The following DDX46 variants were observed in gnomAD, a reference collection of about 807,000 sequenced individuals.
DDX46 encodes probable ATP-dependent RNA helicase DDX46.
In DDX46, 30 loss-of-function variants were observed where a neutral mutation model predicts 134.9. The ratio of observed to expected loss-of-function variants is 0.22; its 90% CI spans 0.17 to 0.30. DDX46 has a LOEUF of 0.30. Among genes scored for constraint, DDX46 ranks in the 10% least tolerant of loss-of-function variants. The probability of loss-of-function intolerance (pLI) is 1.00; values close to 1 mark genes in which losing one functional copy is unlikely to be tolerated. For synonymous variants in DDX46, 415 were observed against 404.1 expected (o/e 1.03, Z -0.32); for missense variants, 622 against 1,248.7 (o/e 0.50, Z 7.56).
At chr5:134,779,366 G>A (rs1754059777) in intron 6 of DDX46, among the ~76,000 whole-genome samples, 1 of 151,854 alleles carries the variant, frequency 6.6e-6, no homozygotes, top group African/African-American at 2.4e-5. Context: ...GCTAATTTTT[G>A]TATTTTTAGT....
At chr5:134,792,434 TA>T (rs1486396597) in intron 13 of DDX46, among the ~76,000 whole-genome samples, 2 of 152,122 alleles carry the variant, frequency 1.3e-5, no homozygotes, top group Admixed American at 6.6e-5. Flanking sequence ...ATATACTGAA[TA>T]TCTGTTTCTT....
intron 3 of DDX46, among the ~76,000 whole-genome samples, chr5:134,767,625 G>C (rs1292217393): frequency 6.6e-6 from 1 of 151,716 alleles, no homozygotes; most frequent in Non-Finnish European, 1.5e-5. Context: ...ACAGGCCTGA[G>C]CCACCGCGCC....
At position 134,816,617 on chromosome 5, in the gene DDX46, T is replaced by A. The variant is rs1755294201; in HGVS notation, c.2613+11T>A. 6.2e-7 allele frequency: 1 copy of A among 1,609,866 alleles called. No individual in the cohort carries two copies. Among genetic ancestry groups the A allele is most frequent in the African/African-American group, 1.3e-5 (1 of 74,764 alleles). On this transcript the variant is annotated intron_variant, in intron 19 of 22. Transcript: ENST00000452510. ...ATCGAGTCTCAGGTATTAAGTAATTTGTTCCAAGTCTCAGTCAATACTTTT... is the reference window on the plus strand; with the variant it reads ...ATCGAGTCTCAGGTATTAAGTAATTAGTTCCAAGTCTCAGTCAATACTTTT...
intron 3 of DDX46, among the ~76,000 whole-genome samples, chr5:134,768,034 T>C (rs188282499): frequency 4.6e-5 from 7 of 151,546 alleles, no homozygotes; most frequent in Non-Finnish European, 8.8e-5. Flanking sequence ...TAGTGAACCA[T>C]GTAAAGAGCC....
chr5:134,795,087 T>C lies in DDX46; in HGVS notation c.1791+73T>C, dbSNP rs1321817884. The C allele has an allele frequency of 2.6e-6, 4 of 1,549,768 alleles. No homozygotes were observed. In the East Asian group the frequency reaches 6.8e-5, roughly 26 times the overall value. On this transcript the variant is annotated intron_variant, in intron 14 of 22. Transcript: ENST00000452510. ...GTATGTATGATTCTTCTATGATCAC[T>C]GTTTGTGAGGTAGGCAAGGTAATTT...
At chr5:134,781,832 A>T in intron 7 of DDX46, 89 bp from the exon 8 acceptor site, 1 of 1,254,792 alleles carries the variant, frequency 8.0e-7, no homozygotes. Context: ...TTTCTAGGAG[A>T]GGAAGATTTG....
At chr5:134,824,409 A>G (rs1480589718) in intron 21 of DDX46, among the ~76,000 whole-genome samples, 1 of 152,048 alleles carries the variant, frequency 6.6e-6, no homozygotes, top group East Asian at 1.9e-4. Flanking sequence ...TGGCCAACAT[A>G]GTGAAACCCC....
At chr5:134,779,345 C>T (rs947147980) in intron 6 of DDX46, among the ~76,000 whole-genome samples, 1 of 152,028 alleles carries the variant, frequency 6.6e-6, no homozygotes, top group Non-Finnish European at 1.5e-5. Context: ...AGGCGCCCAC[C>T]ACCATGCCTG....
chr5:134,808,970 T>C (rs900406427), intron 16 of DDX46, among the ~76,000 whole-genome samples: 2 of 152,218 alleles, frequency 1.3e-5, no homozygotes, highest in Non-Finnish European at 2.9e-5. Flanking sequence ...TGTCATTTTA[T>C]CCTTAAAACG....
Position 134,758,946 on chromosome 5 carries a change from G to A in DDX46, c.8G>A (p.Arg3Gln). 1 of 1,612,728 alleles carries A rather than the reference G, an allele frequency of 6.2e-7. No individual in the cohort carries two copies. The highest frequency in any genetic ancestry group is 1.3e-5 in the African/African-American group (1 of 75,044). Residue 3 changes from arginine (R) to glutamine (Q), a missense_variant, in exon 1 of 23, where the codon CGG (arginine) becomes CAG (glutamine). Transcript: ENST00000452510. ...ATTCCCGCGGTCGGCAGCATGGGTC[G>A]GGAGTCACGGTGAGGCAGAGCGCCG... MG[R>Q]ESRHYRKRSA...
In DDX46 at chr5:134,795,567, T is replaced by C. The variant is rs537612551; in HGVS notation, c.1792-421T>C. On this transcript the variant is annotated intron_variant, in intron 14 of 22. Coordinates refer to ENST00000452510, the MANE Select transcript of DDX46 (RefSeq NM_001300860.2). ...GAGTGGTGAATGGTGAGCTGATATA[T>C]AGAAATGTCACATACCAGATGGGCA... is the stretch of plus-strand genomic sequence containing the variant. Among the ~76,000 whole-genome samples, 90 of 152,258 alleles carry C rather than the reference T, an allele frequency of 5.9e-4. 2 individuals are homozygous for C. The highest frequency in any genetic ancestry group is 4.7e-4 in the Non-Finnish European group (32 of 68,018).
At chr5:134,789,077 A>G (rs2150145365) in intron 12 of DDX46, 1 of 152,362 alleles carries the variant, frequency 6.6e-6, no homozygotes, top group South Asian at 2.1e-4. Context: ...TACTACATAA[A>G]TTAAGATATT....
intron 21 of DDX46, among the ~76,000 whole-genome samples, chr5:134,819,875 G>T (rs766053982): frequency 2.0e-4 from 31 of 151,714 alleles, no homozygotes; most frequent in Non-Finnish European, 4.4e-4. Flanking sequence ...TGCATAGTAG[G>T]ACACCCTGTC....
rs1440438716 is a variant in DDX46 at position 134,828,709 on chromosome 5, A to G, written c.*3A>G. ...AAGGAAGATACAAAGTCTTATAGAC[A>G]TCCGGAAAAAAGATTTTTACCTGTG... On this transcript the variant is annotated 3_prime_UTR_variant, in exon 23 of 23. Coordinates refer to ENST00000452510, the MANE Select transcript of DDX46 (RefSeq NM_001300860.2). 2 of 1,503,846 alleles carry G rather than the reference A, an allele frequency of 1.3e-6. No homozygotes were observed. The allele number at this position is 1,503,846 out of a possible 1,614,324, so 93.2% of individuals were successfully genotyped here.
chr5:134,773,017 T>A (rs968519949), intron 4 of DDX46, among the ~76,000 whole-genome samples: 20 of 151,894 alleles, frequency 1.3e-4, no homozygotes, highest in Admixed American at 1.1e-3. Flanking sequence ...CCAGGGTGGT[T>A]TCCAACTCCT....
intron 7 of DDX46, among the ~76,000 whole-genome samples, chr5:134,781,641 A>G (rs553696000): frequency 9.5e-4 from 144 of 152,288 alleles, no homozygotes; most frequent in African/African-American, 3.4e-3. Flanking sequence ...TTAACCTTCT[A>G]AAGGCAAAGA....
At chr5:134,778,863 C>T (rs562917385) in intron 6 of DDX46, among the ~76,000 whole-genome samples, 97 of 150,722 alleles carry the variant, frequency 6.4e-4, no homozygotes, top group African/African-American at 1.4e-3. Context: ...CGTGAACCAC[C>T]GTGCCCAGCC....
intron 19 of DDX46, 30 bp downstream of exon 19, chr5:134,816,636 T>C (rs756166688): frequency 2.4e-5 from 39 of 1,597,792 alleles, no homozygotes; most frequent in Non-Finnish European, 3.3e-5. Context: ...TCTCAGTCAA[T>C]ACTTTTAAGA....
At chr5:134,776,331 C>T (rs541468090) in intron 5 of DDX46, among the ~76,000 whole-genome samples, 17 of 151,030 alleles carry the variant, frequency 1.1e-4, no homozygotes, top group African/African-American at 2.7e-4. Context: ...TGAAGGTTGC[C>T]GTCAGTGAGC....
Sources: allele counts gnomAD v4.1 joint callset (sites outside exome capture counted in the v4.1 genomes callset), GRCh38; gene constraint gnomAD v4.1.1; transcripts MANE v1.5; gene names NCBI Gene and HGNC (gene_info 2026-07-23, HGNC 2026-07-21).